The following AOPEP variants were observed in gnomAD, a reference collection of about 807,000 sequenced individuals.
The protein encoded by AOPEP is aminopeptidase O (putative).
In AOPEP, 77 loss-of-function variants were observed where a neutral mutation model predicts 98.1. The ratio of observed to expected loss-of-function variants is 0.78; its 90% confidence interval spans 0.65 to 0.95. The LOEUF is 0.95. Among genes scored for constraint, AOPEP ranks in the 40% least tolerant of loss-of-function variants. AOPEP has a pLI of 0.00. For synonymous variants in AOPEP, 346 were observed against 365.3 expected (o/e 0.95, Z 0.60); for missense variants, 1,024 against 1,024.7 (o/e 1.00, Z 0.01).
chr9:95,132,861 T>C, the AOPEP span, among the ~76,000 whole-genome samples: 14 of 152,222 alleles, frequency 9.2e-5, no homozygotes, highest in Non-Finnish European at 2.1e-4. Flanking sequence ...TTTTGTTACA[T>C]TTTGGTAACT....
At chr9:95,129,772 CCTT>C in the AOPEP span, among the ~76,000 whole-genome samples, 1 of 152,142 alleles carries the variant, frequency 6.6e-6, no homozygotes, top group South Asian at 2.1e-4. Flanking sequence ...GTCCTTCCCT[CCTT>C]ATCTCCCCCC....
At chr9:94,765,472 TA>T (rs1215411746) in intron 2 of AOPEP, among the ~76,000 whole-genome samples, 1 of 147,254 alleles carries the variant, frequency 6.8e-6, no homozygotes, top group African/African-American at 2.5e-5. Context: ...ATAATAATAA[TA>T]ATAATAAGTC....
intron 13 of AOPEP, among the ~76,000 whole-genome samples, chr9:95,022,585 C>T (rs576474145): frequency 7.9e-5 from 12 of 151,950 alleles, no homozygotes; most frequent in East Asian, 1.9e-4. Flanking sequence ...ATGATCCGCC[C>T]GCCTTGGCCT....
At chr9:94,979,454 A>T in intron 11 of AOPEP, 27 bp downstream of exon 11, 1 of 1,481,982 alleles carries the variant, frequency 6.7e-7, no homozygotes, top group Non-Finnish European at 9.4e-7. Flanking sequence ...ACTTTGGTAG[A>T]ATCCATGGAG....
chr9:95,098,118 C>T, the AOPEP span, among the ~76,000 whole-genome samples: 2 of 152,120 alleles, frequency 1.3e-5, no homozygotes, highest in Admixed American at 1.3e-4. Context: ...GAGAACATTC[C>T]TCACATTTGC....
At chr9:95,107,070 G>T in the AOPEP span, 6 of 1,614,158 alleles carry the variant, frequency 3.7e-6, no homozygotes, top group East Asian at 8.9e-5. Context: ...ACTTACCAGG[G>T]TGATGACATC....
chr9:94,910,374 G>A lies in AOPEP; in HGVS notation c.1365-13612G>A, dbSNP rs1260953026. ...GGTCATCTGAAACCTTGCTACCCGG[G>A]TAGGACCCCAGCTTCCTTGTCCTCT... On this transcript the variant is annotated intron_variant, in intron 5 of 16. Coordinates refer to ENST00000375315, the MANE Select transcript of AOPEP (RefSeq NM_001193329.3). Among the ~76,000 whole-genome samples, 3 of 152,328 alleles carry A rather than the reference G, an allele frequency of 2.0e-5. No individual in the cohort carries two copies. In the East Asian group the frequency reaches 5.8e-4, roughly 29 times the overall value.
At chr9:94,820,992 A>G (rs1358593235) in intron 5 of AOPEP, among the ~76,000 whole-genome samples, 1 of 152,228 alleles carries the variant, frequency 6.6e-6, no homozygotes, top group Admixed American at 6.5e-5. Context: ...GTAGTTCTTC[A>G]GGTTTCACTA....
chr9:94,928,525 T>TGAGAG lies in AOPEP; in HGVS notation c.1656_1657insAGAGG (p.Leu553ArgfsTer3). The TGAGAG allele has an allele frequency of 6.5e-7, 1 of 1,550,054 alleles. No homozygotes were observed. On this transcript the variant is annotated frameshift_variant, in exon 7 of 17. Transcript: ENST00000375315. LOFTEE classifies it high-confidence loss of function. The stretch of plus-strand genomic sequence containing the variant: ...CAATGCTCCCCCGAGGAGATGCAGG[T>TGAGAG]GTTAAGGTAAAGCTGCATGGTGATC...
At chr9:95,047,427 T>A (rs551840534) in intron 13 of AOPEP, among the ~76,000 whole-genome samples, 41 of 152,238 alleles carry the variant, frequency 2.7e-4, no homozygotes, top group Admixed American at 8.5e-4. Flanking sequence ...TTTTGATGTT[T>A]TATTTTTCTA....
the AOPEP span, chr9:95,107,038 T>C: frequency 8.1e-6 from 13 of 1,612,076 alleles, no homozygotes; most frequent in Non-Finnish European, 1.1e-5. Flanking sequence ...AAATGAGTAC[T>C]AGGATGCTGG....
the AOPEP span, among the ~76,000 whole-genome samples, chr9:95,102,520 T>C: frequency 4.9e-4 from 74 of 152,364 alleles, no homozygotes; most frequent in Admixed American, 1.8e-3. Flanking sequence ...GCACAAGCAG[T>C]ATTAAGAAGG....
At chr9:94,765,278 A>G (rs1018836869) in intron 2 of AOPEP, among the ~76,000 whole-genome samples, 82 of 151,784 alleles carry the variant, frequency 5.4e-4, no homozygotes, top group African/African-American at 1.9e-3. Context: ...TATCTTTTCA[A>G]TTTTTAAAAT....
chr9:94,973,288 G>C lies in AOPEP; in HGVS notation c.1916+5487G>C, dbSNP rs866591921. Among the ~76,000 whole-genome samples, 6 of 152,308 alleles carry C rather than the reference G, an allele frequency of 3.9e-5. No individual in the cohort carries two copies. In the South Asian group the frequency reaches 1.2e-3, roughly 32 times the overall value. On this transcript the variant is annotated intron_variant, in intron 10 of 16. Coordinates refer to ENST00000375315, the MANE Select transcript of AOPEP (RefSeq NM_001193329.3). ...ATTTCTCTTGATCAAGCAACATGTT[G>C]ATAGGCACAAGTAGCAGATCCATCC...
intron 14 of AOPEP, among the ~76,000 whole-genome samples, chr9:95,064,092 A>T (rs934345716): frequency 2.0e-5 from 3 of 152,212 alleles, no homozygotes; most frequent in Admixed American, 2.0e-4. Flanking sequence ...CTAAACTAGT[A>T]GGAGCAAGTG....
At chr9:95,117,166 T>C in the AOPEP span, 8 of 727,182 alleles carry the variant, frequency 1.1e-5, no homozygotes, top group Non-Finnish European at 1.9e-5. Flanking sequence ...ATCCACAGAA[T>C]GTGGGATCCT....
intron 15 of AOPEP, 63 bp from the exon 16 acceptor site, chr9:95,082,512 T>C (rs2069935216): frequency 1.9e-6 from 3 of 1,566,200 alleles, no homozygotes; most frequent in Admixed American, 1.7e-5. Context: ...ACTGAGCTCA[T>C]GTGTGCGTGT....
At chr9:94,786,703 GA>G (rs1233163553) in intron 3 of AOPEP, among the ~76,000 whole-genome samples, 4 of 152,204 alleles carry the variant, frequency 2.6e-5, no homozygotes, top group Non-Finnish European at 5.9e-5. Context: ...GGGAACTAAT[GA>G]AAATCTTCTC....
intron 2 of AOPEP, among the ~76,000 whole-genome samples, chr9:94,766,997 C>T (rs1171189866): frequency 1.3e-5 from 2 of 152,004 alleles, no homozygotes; most frequent in African/African-American, 4.8e-5. Context: ...TTCTTCCTCC[C>T]CCCTCCCCCC....
Sources: gnomAD v4.1 joint callset for allele counts (sites outside exome capture counted in the v4.1 genomes callset) on GRCh38, gnomAD v4.1.1 for gene constraint, MANE v1.5 for transcripts, NCBI Gene and HGNC (gene_info 2026-07-23, HGNC 2026-07-21) for gene names.